RPS6KA5: variants seen among roughly 807,000 people sequenced by gnomAD.
RPS6KA5 encodes the protein ribosomal protein S6 kinase alpha-5.
In RPS6KA5, 27 loss-of-function variants were observed where a neutral mutation model predicts 85.5. The observed-to-expected ratio is 0.32, with a 90% confidence interval of 0.23 to 0.44. RPS6KA5 has a LOEUF of 0.44. RPS6KA5 is among the 20% of genes least tolerant of loss of function. The pLI, the probability that RPS6KA5 is intolerant of heterozygous loss-of-function variation, is 1.00. For synonymous variants in RPS6KA5, 334 were observed against 348.2 expected, an observed-to-expected ratio of 0.96 and a Z score of 0.46; for missense variants, 811 against 980.9, an observed-to-expected ratio of 0.83 and a Z score of 2.31.
intron 14 of RPS6KA5, among the ~76,000 whole-genome samples, chr14:90,876,018 G>A (rs189286520): frequency 1.3e-4 from 20 of 151,580 alleles, no homozygotes; most frequent in Non-Finnish European, 2.4e-4. Flanking sequence ...AAACCTGCAC[G>A]TTGTGCACAT....
At chr14:91,049,534 G>A (rs563411185) in intron 1 of RPS6KA5, among the ~76,000 whole-genome samples, 24 of 152,194 alleles carry the variant, frequency 1.6e-4, no homozygotes, top group South Asian at 4.1e-4. Flanking sequence ...AGAATGGCGT[G>A]AACCAAGGAA....
intron 1 of RPS6KA5, among the ~76,000 whole-genome samples, chr14:91,057,313 A>G (rs2043363972): frequency 6.6e-6 from 1 of 152,090 alleles, no homozygotes; most frequent in Non-Finnish European, 1.5e-5. Flanking sequence ...ACCACCTAAC[A>G]TCTGCAAGGC....
At chr14:90,946,873 G>C (rs2037897990) in intron 4 of RPS6KA5, among the ~76,000 whole-genome samples, 1 of 152,102 alleles carries the variant, frequency 6.6e-6, no homozygotes, top group Non-Finnish European at 1.5e-5. Context: ...GTTTGCATAG[G>C]GTCACAGACA....
Position 91,040,396 on chromosome 14 carries a change from G to A in RPS6KA5, c.103+19936C>T, listed in dbSNP as rs375586466. On this transcript the variant is annotated intron_variant, in intron 1 of 16. Coordinates refer to ENST00000614987, the MANE Select transcript of RPS6KA5 (RefSeq NM_004755.4). ...GCACTCCAGCCTGGGCAACAAGAGC[G>A]AAAGTCCGCCTCTTAAATTAAATTA... 2.5e-4 allele frequency among the ~76,000 whole-genome samples: 38 copies of A among 152,204 alleles called. No individual in the cohort carries two copies. In the South Asian group the frequency reaches 7.3e-3, roughly 29 times the overall value.
rs2032311665 is a variant in RPS6KA5 at position 90,856,843 on chromosome 14, C to T, written c.*15231G>A. The T allele has an allele frequency of 1.8e-5, 3 of 165,338 alleles. No individual in the cohort carries two copies. The highest frequency in any genetic ancestry group is 4.8e-5 in the African/African-American group (2 of 41,708). The allele number at this position is 165,338 out of a possible 1,614,324, so 10.2% of individuals were successfully genotyped here. A position where few individuals can be genotyped will look rare whatever the true frequency, so the allele number is the denominator to read the frequency against. ...CCCTATTTCCCCCTCCCACCAGCCC[C>T]TGAAAAACACTAATCTTTCTGTCTC... On this transcript the variant is annotated 3_prime_UTR_variant, in exon 17 of 17. Transcript: ENST00000614987.
At chr14:90,971,072 C>A (rs914238181) in intron 3 of RPS6KA5, among the ~76,000 whole-genome samples, 1 of 152,072 alleles carries the variant, frequency 6.6e-6, no homozygotes, top group Non-Finnish European at 1.5e-5. Flanking sequence ...AATCCCAGCA[C>A]TTTGGGAGGC....
chr14:90,897,021 T>A (rs573909503), intron 12 of RPS6KA5, among the ~76,000 whole-genome samples: 37 of 152,266 alleles, frequency 2.4e-4, no homozygotes, highest in South Asian at 1.2e-3. Flanking sequence ...GGTCCGCAAC[T>A]TTTTTGGCAC....
intron 14 of RPS6KA5, among the ~76,000 whole-genome samples, chr14:90,881,101 C>T (rs1002299351): frequency 1.3e-5 from 2 of 151,836 alleles, no homozygotes; most frequent in African/African-American, 4.8e-5. Flanking sequence ...TCCAAAGTGC[C>T]GGGATTACAG....
At chr14:90,913,427 C>T (rs7160417) in intron 7 of RPS6KA5, among the ~76,000 whole-genome samples, 4,995 of 152,190 alleles carry the variant, frequency 0.033, 274 homozygotes, top group African/African-American at 0.12. Context: ...TTTATAGCAT[C>T]TTCTATCTAA....
At position 90,848,055 on chromosome 14, in the gene RPS6KA5, G is replaced by A. The variant is rs2031804380; in HGVS notation, c.*24019C>T. 6.6e-6 allele frequency: 1 copy of A among 152,084 alleles called. No individual in the cohort carries two copies. Among genetic ancestry groups the A allele is most frequent in the Admixed American group, 6.6e-5 (1 of 15,260 alleles). 9.4% of individuals were successfully genotyped at this position (152,084 alleles called of 1,614,324 possible). A position where few individuals can be genotyped will look rare whatever the true frequency, so the allele number is the denominator to read the frequency against. ...ACATCTGCTTTTTTGATTCATGTGT[G>A]TTTTCAACACAGCTCAACAACTCAT... On this transcript the variant is annotated 3_prime_UTR_variant, in exon 17 of 17. Transcript: ENST00000614987.
At chr14:90,979,592 G>A (rs774049736) in intron 2 of RPS6KA5, among the ~76,000 whole-genome samples, 8 of 152,212 alleles carry the variant, frequency 5.3e-5, no homozygotes, top group Non-Finnish European at 2.9e-5. Context: ...AAGGGCTCTT[G>A]TACTCCGTAT....
intron 12 of RPS6KA5, among the ~76,000 whole-genome samples, chr14:90,898,227 C>G (rs924607688): frequency 6.6e-6 from 1 of 152,144 alleles, no homozygotes; most frequent in African/African-American, 2.4e-5. Flanking sequence ...CTATGAGTGT[C>G]CATTTTCTCA....
At chr14:91,016,866 CAAAA>C (rs34806962) in intron 1 of RPS6KA5, among the ~76,000 whole-genome samples, 2 of 120,790 alleles carry the variant, frequency 1.7e-5, no homozygotes, top group Non-Finnish European at 3.5e-5. Flanking sequence ...TCTAAACAGG[CAAAA>C]AAAAAAAAAA....
chr14:91,036,842 GCTGCA>G (rs2042428576), intron 1 of RPS6KA5, among the ~76,000 whole-genome samples: 1 of 152,146 alleles, frequency 6.6e-6, no homozygotes, highest in Non-Finnish European at 1.5e-5. Context: ...GCACTTCCAG[GCTGCA>G]CATGCCTGTA....
At chr14:90,891,349 A>G (rs1468252905) in intron 13 of RPS6KA5, among the ~76,000 whole-genome samples, 1 of 151,732 alleles carries the variant, frequency 6.6e-6, no homozygotes, top group Non-Finnish European at 1.5e-5. Flanking sequence ...AACAGCTAAT[A>G]CTTCAAATAT....
At chr14:90,978,904 T>G (rs2039679105) in intron 2 of RPS6KA5, among the ~76,000 whole-genome samples, 1 of 152,146 alleles carries the variant, frequency 6.6e-6, no homozygotes, top group African/African-American at 2.4e-5. Flanking sequence ...TATTTATTAC[T>G]GATGTAGACA....
chr14:91,033,233 A>G (rs754132661), intron 1 of RPS6KA5, among the ~76,000 whole-genome samples: 1 of 152,018 alleles, frequency 6.6e-6, no homozygotes, highest in Admixed American at 6.6e-5. Flanking sequence ...CTCACTAATA[A>G]TAAGGAAAAT....
Position 91,060,572 on chromosome 14 carries a change from C to G in RPS6KA5, c.-138G>C. The G allele has an allele frequency of 9.1e-7, 1 of 1,099,818 alleles. No homozygotes were observed. Among genetic ancestry groups the G allele is most frequent in the Non-Finnish European group, 1.2e-6 (1 of 864,454 alleles). The allele number at this position is 1,099,818 out of a possible 1,614,324, so 68.1% of individuals were successfully genotyped here. A position where few individuals can be genotyped will look rare whatever the true frequency, so the allele number is the denominator to read the frequency against. On this transcript the variant is annotated 5_prime_UTR_variant, in exon 1 of 17. Coordinates refer to ENST00000614987, the MANE Select transcript of RPS6KA5 (RefSeq NM_004755.4). The stretch of plus-strand genomic sequence containing the variant: ...CCAGAACTCGGACGCAAAGACGAGT[C>G]TCTTTCCCGCTCTGGCCGCACGGCT...
chr14:90,875,345 C>G lies in RPS6KA5; in HGVS notation c.1852G>C (p.Gly618Arg). The G allele has an allele frequency of 1.2e-6, 2 of 1,613,542 alleles. No individual in the cohort carries two copies. The highest frequency in any genetic ancestry group is 2.2e-5 in the South Asian group (2 of 91,040). Residue 618 changes from glycine to arginine, a missense_variant, in exon 15 of 17, where the codon GGA becomes CGA. Transcript: ENST00000614987. ...LGVILYTMLS[G>R]QVPFQSHDRS... Reference sequence around the variant, plus strand: ...TCATGAGATTGGAAGGGAACCTGTCCTGACAACATTGTGTACTATCAGGGA... The same window carrying G: ...TCATGAGATTGGAAGGGAACCTGTCGTGACAACATTGTGTACTATCAGGGA...
Sources: gnomAD v4.1 joint callset for allele counts (sites outside exome capture counted in the v4.1 genomes callset) on GRCh38, gnomAD v4.1.1 for gene constraint, MANE v1.5 for transcripts, NCBI Gene and HGNC (gene_info 2026-07-23, HGNC 2026-07-21) for gene names.